Variants in TBC1D5 observed in about 807,000 individuals in gnomAD.
TBC1D5 encodes the protein TBC1 domain family, member 5.
In TBC1D5, 75 loss-of-function variants were observed where a neutral mutation model predicts 100.3. The ratio of observed to expected loss-of-function variants is 0.75; its 90% CI spans 0.62 to 0.91. TBC1D5 has a LOEUF of 0.91. TBC1D5 is among the 40% of genes least tolerant of loss of function. The pLI is 0.00. For synonymous variants in TBC1D5, 323 were observed against 325.6 expected (o/e 0.99, Z 0.09); for missense variants, 910 against 942.4 (o/e 0.97, Z 0.45).
chr3:17,166,359 C>T (rs1232445811), intron 21 of TBC1D5, among the ~76,000 whole-genome samples: 5 of 152,138 alleles, frequency 3.3e-5, no homozygotes, highest in Admixed American at 6.5e-5. Context: ...AAGGTTCTAG[C>T]GAAGTGAAAT....
chr3:17,196,907 A>G (rs1209816768), intron 18 of TBC1D5, among the ~76,000 whole-genome samples: 1 of 152,258 alleles, frequency 6.6e-6, no homozygotes, highest in Admixed American at 6.5e-5. Context: ...AATTGAGCAT[A>G]ACCCGAAGTT....
chr3:17,602,671 C>T (rs1365545521), intron 2 of TBC1D5, among the ~76,000 whole-genome samples: 2 of 136,190 alleles, frequency 1.5e-5, no homozygotes, highest in Non-Finnish European at 3.0e-5. Flanking sequence ...CTCCTGGGTT[C>T]GTGCCATTCT....
chr3:17,489,869 A>G (rs959210990), intron 3 of TBC1D5, among the ~76,000 whole-genome samples: 4 of 152,218 alleles, frequency 2.6e-5, no homozygotes, highest in African/African-American at 4.8e-5. Context: ...TCAGGTACAT[A>G]TACAGTAACG....
In TBC1D5 at chr3:17,340,690, G is replaced by C. The variant is rs369292548; in HGVS notation, c.995+31385C>G. 14 of 152,322 alleles carry C rather than the reference G, an allele frequency of 9.2e-5. No homozygotes were observed. The East Asian group carries it at 2.3e-3, about 25-fold the overall frequency. The allele number at this position is 152,322 out of a possible 1,614,324, so 9.4% of individuals were successfully genotyped here. A position where few individuals can be genotyped will look rare whatever the true frequency, so the allele number is the denominator to read the frequency against. ...CCTTGGAGTTTCCAAATTCTTCCAA[G>C]GGCAGCTGAAAGAGCAGAGGGATTA... On this transcript the variant is annotated intron_variant, in intron 13 of 21. Coordinates refer to ENST00000253692, the Ensembl canonical transcript of TBC1D5.
intron 18 of TBC1D5, among the ~76,000 whole-genome samples, chr3:17,201,219 C>T (rs1041149864): frequency 2.0e-5 from 3 of 152,118 alleles, no homozygotes; most frequent in African/African-American, 7.2e-5. Flanking sequence ...CCCAACTTCA[C>T]CCTCTTTCAG....
chr3:17,436,822 T>C (rs1394001992), intron 3 of TBC1D5, among the ~76,000 whole-genome samples: 4 of 152,074 alleles, frequency 2.6e-5, no homozygotes, highest in Non-Finnish European at 5.9e-5. Context: ...CATATAGCAA[T>C]AACAGATAAA....
At chr3:17,535,632 T>C (rs1011237567) in intron 2 of TBC1D5, among the ~76,000 whole-genome samples, 1 of 152,098 alleles carries the variant, frequency 6.6e-6, no homozygotes, top group South Asian at 2.1e-4. Context: ...CAAGAGAACA[T>C]TTTTTGTTCC....
intron 2 of TBC1D5, among the ~76,000 whole-genome samples, chr3:17,567,820 T>C (rs1576753686): frequency 6.6e-6 from 1 of 151,836 alleles, no homozygotes; most frequent in Non-Finnish European, 1.5e-5. Context: ...TGATGCTTTC[T>C]GAAGACAATT....
chr3:17,729,851 G>A (rs377086722), intron 1 of TBC1D5, among the ~76,000 whole-genome samples: 46 of 151,574 alleles, frequency 3.0e-4, no homozygotes, highest in African/African-American at 9.7e-4. Flanking sequence ...GCTCACGCCT[G>A]TAATCCCAGC....
At chr3:17,328,163 G>A (rs2086404309) in intron 13 of TBC1D5, among the ~76,000 whole-genome samples, 1 of 151,992 alleles carries the variant, frequency 6.6e-6, no homozygotes, top group African/African-American at 2.4e-5. Flanking sequence ...CCAGCTACTT[G>A]GGAGGCTGAA....
At chr3:17,167,038 T>G (rs770230437) in intron 20 of TBC1D5, 110 bp from the exon 22 acceptor site, 73 of 1,008,532 alleles carry the variant, frequency 7.2e-5, no homozygotes, top group Non-Finnish European at 1.0e-4. Flanking sequence ...TCATTTTTTA[T>G]AGTATGAATA....
chr3:17,315,384 A>C (rs2084565658), intron 13 of TBC1D5, among the ~76,000 whole-genome samples: 1 of 152,236 alleles, frequency 6.6e-6, no homozygotes, highest in South Asian at 2.1e-4. Context: ...TGCCAGGCCC[A>C]AAAGGGCATT....
At position 17,521,295 on chromosome 3, in the gene TBC1D5, A is replaced by T. The variant is rs189748546; in HGVS notation, c.-35-12690T>A. 4.6e-5 allele frequency among the ~76,000 whole-genome samples: 7 copies of T among 151,860 alleles called. No homozygotes were observed. In the East Asian group the frequency reaches 5.8e-4, roughly 13 times the overall value. On this transcript the variant is annotated intron_variant, in intron 2 of 21. Coordinates refer to ENST00000253692, the Ensembl canonical transcript of TBC1D5. ...CCTCTCCTGAGACAATAAGACCAAA[A>T]CCTCTCCCCTTCCACCTCCTCCTCA...
At chr3:17,159,561 C>CTGTT (rs1266990521) in exon 22 of TBC1D5, 4 of 152,308 alleles carry the variant, frequency 2.6e-5, no homozygotes, top group Non-Finnish European at 5.9e-5. Context: ...TCACCCACTC[C>CTGTT]TGTTAGAATT....
chr3:17,459,523 C>A (rs774362689), intron 3 of TBC1D5, among the ~76,000 whole-genome samples: 4 of 152,116 alleles, frequency 2.6e-5, no homozygotes, highest in Non-Finnish European at 5.9e-5. Flanking sequence ...TTCAAACATT[C>A]AAAAATGATA....
At chr3:17,521,482 T>C (rs1458837144) in intron 2 of TBC1D5, among the ~76,000 whole-genome samples, 1 of 152,192 alleles carries the variant, frequency 6.6e-6, no homozygotes, top group Admixed American at 6.5e-5. Context: ...TAATCAACTG[T>C]TTATGTCATT....
intron 2 of TBC1D5, among the ~76,000 whole-genome samples, chr3:17,544,244 G>A (rs2096390118): frequency 6.6e-6 from 1 of 152,130 alleles, no homozygotes; most frequent in Admixed American, 6.6e-5. Flanking sequence ...GAGAACGACT[G>A]TTGTAGACAA....
intron 16 of TBC1D5, among the ~76,000 whole-genome samples, chr3:17,248,571 G>C (rs1233830903): frequency 6.6e-6 from 1 of 152,152 alleles, no homozygotes; most frequent in Non-Finnish European, 1.5e-5. Context: ...TGACCTATGA[G>C]CTGCAGAACA....
At chr3:17,573,666 C>G (rs1423487331) in intron 2 of TBC1D5, among the ~76,000 whole-genome samples, 1 of 151,908 alleles carries the variant, frequency 6.6e-6, no homozygotes, top group Admixed American at 6.6e-5. Flanking sequence ...TCTGGGCCAC[C>G]CCAGGCAGTA....
Sources: gnomAD v4.1 joint callset for allele counts (sites outside exome capture counted in the v4.1 genomes callset) on GRCh38, gnomAD v4.1.1 for gene constraint, MANE v1.5 for transcripts, NCBI Gene and HGNC (gene_info 2026-07-23, HGNC 2026-07-21) for gene names.